The following PLEKHM2 variants were observed in gnomAD, a reference collection of about 807,000 sequenced individuals.
The protein encoded by PLEKHM2 is pleckstrin homology and RUN domain containing M2, also known as pleckstrin homology domain-containing family M member 2.
Under a neutral mutation model 116.3 loss-of-function variants are expected in PLEKHM2, and 77 were observed. The observed-to-expected ratio is 0.66, with a 90% CI of 0.55 to 0.80. The LOEUF is 0.80. PLEKHM2 is among the 30% of genes least tolerant of loss of function. The pLI, the probability that PLEKHM2 is intolerant of heterozygous loss-of-function variation, is 0.00. For synonymous variants in PLEKHM2, 562 were observed against 571.0 expected (o/e 0.98, Z 0.22); for missense variants, 1,183 against 1,354.9 (o/e 0.87, Z 1.99).
chr1:15,709,136 C>T (rs774794088), intron 1 of PLEKHM2, among the ~76,000 whole-genome samples: 55 of 152,176 alleles, frequency 3.6e-4, no homozygotes, highest in Non-Finnish European at 5.3e-4. Flanking sequence ...CTGCCACCGT[C>T]CTGATGCACA....
intron 1 of PLEKHM2, among the ~76,000 whole-genome samples, chr1:15,689,978 A>G (rs1156704147): frequency 1.3e-5 from 2 of 151,246 alleles, no homozygotes; most frequent in Non-Finnish European, 2.9e-5. Context: ...CTGGCCTCAA[A>G]CTCCCTACCT....
rs911122631 is a variant in PLEKHM2 at position 15,719,877 on chromosome 1, C to A, written c.609C>A (p.Thr203=). 2 of 1,613,692 alleles carry A rather than the reference C, an allele frequency of 1.2e-6. No homozygotes were observed. Among genetic ancestry groups the A allele is most frequent in the African/African-American group, 2.7e-5 (2 of 74,900 alleles). The change falls in exon 6 of 20, where the codon ACC becomes ACA. Residue 203 remains threonine, a synonymous_variant. Transcript: ENST00000375799. The surrounding 1 kb of genome is among the most constrained non-coding windows in gnomAD (Gnocchi z 4.1). ...SLNSFNSVTS[T]NLEWDDSAIA... is the part of the protein sequence containing the mutation. ...ACTCTTTCAACTCCGTCACCTCCAC[C>A]AACCTGGAGTGGGATGACAGTGCGA...
upstream of PLEKHM2, among the ~76,000 whole-genome samples, chr1:15,681,917 G>A (rs564881062): frequency 5.9e-5 from 9 of 152,234 alleles, no homozygotes; most frequent in South Asian, 2.1e-4. Flanking sequence ...ATAAGAAAAC[G>A]CCCTGGGCTG....
chr1:15,707,944 A>G (rs1641257468), intron 1 of PLEKHM2, among the ~76,000 whole-genome samples: 1 of 151,266 alleles, frequency 6.6e-6, no homozygotes, highest in Non-Finnish European at 1.5e-5. Flanking sequence ...GAGTGCAGTG[A>G]CGTGATCTCA....
At chr1:15,693,882 G>A (rs991968265) in intron 1 of PLEKHM2, among the ~76,000 whole-genome samples, 1 of 152,160 alleles carries the variant, frequency 6.6e-6, no homozygotes, top group African/African-American at 2.4e-5. Context: ...GGGATTGTGG[G>A]GCTCCTGGCT....
At position 15,729,186 on chromosome 1, in the gene PLEKHM2, GCT is replaced by G; in HGVS notation, c.2072_2073del (p.Ala691GlyfsTer45). On this transcript the variant is annotated frameshift_variant and splice_region_variant, in exon 13 of 20. Coordinates refer to ENST00000375799, the MANE Select transcript of PLEKHM2 (RefSeq NM_015164.4). LOFTEE classifies it high-confidence loss of function. This position sits in a 1 kb window ranked among gnomAD's most constrained non-coding sequence, Gnocchi z 4.7. ...GCTGGACACGGCTGATGTGGCGCTG[GCT>G]GAGTGAGTGGCAACCCCGCCCCTCT... ...FLLDTADVALAEFFLASLKSA... is the reference protein window; with the variant it reads ...FLLDTADVALXEFFLASLKSA... 6.2e-7 allele frequency: 1 copy of G among 1,608,884 alleles called. No individual in the cohort carries two copies. The highest frequency in any genetic ancestry group is 8.5e-7 in the Non-Finnish European group (1 of 1,177,652).
At chr1:15,681,938 C>T (rs1640652575), upstream of PLEKHM2, among the ~76,000 whole-genome samples, 1 of 152,200 alleles carries the variant, frequency 6.6e-6, no homozygotes, top group Admixed American at 6.5e-5. Flanking sequence ...GACATGATGG[C>T]TCATGCCCGT....
chr1:15,714,230 A>G (rs1641396104), intron 1 of PLEKHM2, among the ~76,000 whole-genome samples: 1 of 151,410 alleles, frequency 6.6e-6, no homozygotes, highest in Non-Finnish European at 1.5e-5. Context: ...GTGAGCCACC[A>G]CACCCGGCCC....
In PLEKHM2 at chr1:15,716,351, G is replaced by A. The variant is rs745541323; in HGVS notation, c.167+8G>A. On this transcript the variant is annotated splice_region_variant and intron_variant, in intron 2 of 19. Transcript: ENST00000375799. ...CCACGCCCTGCTGTACGGGTAAGGTGGAGGAAGTTTCCAAAGATGACGGAG... is the reference window on the plus strand; with the variant it reads ...CCACGCCCTGCTGTACGGGTAAGGTAGAGGAAGTTTCCAAAGATGACGGAG... 19 of 1,555,766 alleles carry A rather than the reference G, an allele frequency of 1.2e-5. No homozygotes were observed. In the South Asian group the frequency reaches 2.0e-4, roughly 16 times the overall value.
chr1:15,688,815 G>A (rs1571015909), intron 1 of PLEKHM2, among the ~76,000 whole-genome samples: 1 of 152,148 alleles, frequency 6.6e-6, no homozygotes, highest in East Asian at 1.9e-4. Flanking sequence ...TGGCATTTTT[G>A]AATCAGCATG....
At chr1:15,731,403 G>T (rs906610561) in intron 16 of PLEKHM2, 146 bp downstream of exon 16, 2 of 685,126 alleles carry the variant, frequency 2.9e-6, no homozygotes, top group South Asian at 1.7e-5. Context: ...GGGCTTCCAC[G>T]CTCTGAGGGC....
intron 1 of PLEKHM2, among the ~76,000 whole-genome samples, chr1:15,705,328 C>T (rs778638630): frequency 2.0e-5 from 3 of 151,672 alleles, no homozygotes; most frequent in South Asian, 4.2e-4. Flanking sequence ...ACAAGTGTAT[C>T]GTGCCATCAT....
chr1:15,709,752 T>C (rs918337063), intron 1 of PLEKHM2, among the ~76,000 whole-genome samples: 18 of 152,056 alleles, frequency 1.2e-4, no homozygotes, highest in Non-Finnish European at 2.4e-4. Flanking sequence ...TAATACCATG[T>C]GTAGATATGC....
intron 7 of PLEKHM2, among the ~76,000 whole-genome samples, chr1:15,724,070 T>C (rs1206372091): frequency 6.6e-6 from 1 of 152,170 alleles, no homozygotes; most frequent in Non-Finnish European, 1.5e-5. Flanking sequence ...TCTCCTGCCC[T>C]GTTCCAGTAA....
intron 1 of PLEKHM2, among the ~76,000 whole-genome samples, chr1:15,694,758 T>TG (rs1571022932): frequency 7.0e-6 from 1 of 142,790 alleles, no homozygotes; most frequent in East Asian, 1.9e-4. Flanking sequence ...TTTGTTTTGT[T>TG]TTTTTTTTTT....
chr1:15,728,805 G>A lies in PLEKHM2; in HGVS notation c.1986+72G>A. 2.2e-6 allele frequency: 3 copies of A among 1,359,242 alleles called. No homozygotes were observed. The highest frequency in any genetic ancestry group is 3.1e-6 in the Non-Finnish European group (3 of 970,852). The allele number at this position is 1,359,242 out of a possible 1,614,324, so 84.2% of individuals were successfully genotyped here. A position where few individuals can be genotyped will look rare whatever the true frequency, so the allele number is the denominator to read the frequency against. On this transcript the variant is annotated intron_variant, in intron 12 of 19. Coordinates refer to ENST00000375799, the MANE Select transcript of PLEKHM2 (RefSeq NM_015164.4). The surrounding 1 kb of genome is among the most constrained non-coding windows in gnomAD (Gnocchi z 5.9). ...TCTCAAGCCACTTACCCATAGAACTGCAGGGCGAGGCACGGCCCCTTACTC... is the reference window on the plus strand; with the variant it reads ...TCTCAAGCCACTTACCCATAGAACTACAGGGCGAGGCACGGCCCCTTACTC...
intron 15 of PLEKHM2, 141 bp downstream of exon 15, chr1:15,730,863 G>A: frequency 1.4e-6 from 1 of 715,906 alleles, no homozygotes; most frequent in East Asian, 2.7e-5. Flanking sequence ...ACCAGAGCTT[G>A]GAGTTGACTT....
chr1:15,690,450 T>C (rs1640867450), intron 1 of PLEKHM2, among the ~76,000 whole-genome samples: 1 of 152,248 alleles, frequency 6.6e-6, no homozygotes, highest in African/African-American at 2.4e-5. Flanking sequence ...GTATAGTCTT[T>C]GTTGAAACTG....
intron 1 of PLEKHM2, among the ~76,000 whole-genome samples, chr1:15,685,066 C>T (rs1640740569): frequency 6.6e-6 from 1 of 152,250 alleles, no homozygotes; most frequent in Non-Finnish European, 1.5e-5. Flanking sequence ...TTCCCATGGC[C>T]TGGGTCCCGG....
Sources: allele counts gnomAD v4.1 joint callset (sites outside exome capture counted in the v4.1 genomes callset), GRCh38; gene constraint gnomAD v4.1.1; non-coding constraint Gnocchi (gnomAD v3.1); transcripts MANE v1.5; gene names NCBI Gene and HGNC (gene_info 2026-07-23, HGNC 2026-07-21).